Variants in LHFPL1 observed in about 807,000 individuals in gnomAD.
LHFPL1 encodes the protein LHFPL tetraspan subfamily member 1 protein.
A neutral mutation model predicts 12.1 loss-of-function variants in LHFPL1; 4 were observed. That is an observed-to-expected ratio of 0.33 (90% CI 0.16 to 0.76). The LOEUF (loss-of-function observed/expected upper bound fraction) is 0.76, where lower values mean the gene tolerates loss of function less well. Among genes scored for constraint, LHFPL1 ranks in the 30% least tolerant of loss-of-function variants. The probability of loss-of-function intolerance (pLI) is 0.61; values close to 1 mark genes in which losing one functional copy is unlikely to be tolerated. For missense variants in LHFPL1, 141 were observed against 174.1 expected, an observed-to-expected ratio of 0.81 and a Z score of 1.07; for synonymous variants, 52 against 61.9, an observed-to-expected ratio of 0.84 and a Z score of 0.75.
At chrX:112,651,846 T>C (rs140278113) in intron 3 of LHFPL1, among the ~76,000 whole-genome samples, 11 of 111,905 alleles carry the variant, frequency 9.8e-5, no homozygotes, top group African/African-American at 3.6e-4. Context: ...ATCTTATCTC[T>C]TTTCTTCCTC....
intron 3 of LHFPL1, among the ~76,000 whole-genome samples, chrX:112,657,909 CAAAAA>C (rs57793060): frequency 1.6e-5 from 1 of 61,341 alleles, no homozygotes; most frequent in African/African-American, 4.6e-5. Context: ...AAAACAGAAG[CAAAAA>C]AAAAAAAAAG....
At chrX:112,660,751 A>G (rs373636860) in intron 2 of LHFPL1, 26 bp from the exon 3 acceptor site, 895 of 1,043,799 alleles carry the variant, frequency 8.6e-4, no homozygotes, top group Non-Finnish European at 1.1e-3. Context: ...ACACACAGAC[A>G]GAAAAAATAT....
chrX:112,658,978 T>G (rs771674465), intron 3 of LHFPL1, among the ~76,000 whole-genome samples: 36 of 112,075 alleles, frequency 3.2e-4, no homozygotes, highest in Non-Finnish European at 5.4e-4. Flanking sequence ...TGCTACTACA[T>G]GTATACATCT....
At chrX:112,640,556 T>C (rs1930472806) in intron 3 of LHFPL1, among the ~76,000 whole-genome samples, 1 of 111,519 alleles carries the variant, frequency 9.0e-6, no homozygotes, top group South Asian at 3.8e-4. Context: ...GACATCAGAT[T>C]TGCATTTTAG....
chrX:112,636,982 G>A (rs1930359348), intron 3 of LHFPL1, among the ~76,000 whole-genome samples: 1 of 111,474 alleles, frequency 9.0e-6, no homozygotes, highest in Non-Finnish European at 1.9e-5. Context: ...GAGAAGGATC[G>A]GTGGCAGGAT....
At chrX:112,637,356 C>T (rs886440466) in intron 3 of LHFPL1, among the ~76,000 whole-genome samples, 3 of 112,047 alleles carry the variant, frequency 2.7e-5, no homozygotes, top group African/African-American at 9.7e-5. Flanking sequence ...TCCCTAGAGC[C>T]GCAGTCCTAT....
chrX:112,641,182 C>T (rs1359260435), intron 3 of LHFPL1, among the ~76,000 whole-genome samples: 2 of 111,753 alleles, frequency 1.8e-5, no homozygotes, highest in Non-Finnish European at 3.8e-5. Flanking sequence ...TTTCCAGGTC[C>T]AAGGTTCCTG....
chrX:112,645,827 T>C (rs1053941595), intron 3 of LHFPL1, among the ~76,000 whole-genome samples: 4 of 112,166 alleles, frequency 3.6e-5, no homozygotes, highest in African/African-American at 1.3e-4. Context: ...AATTAAGGTA[T>C]ATGAAAAGCA....
At chrX:112,635,598 T>C (rs1196259625) in intron 3 of LHFPL1, among the ~76,000 whole-genome samples, 2 of 112,567 alleles carry the variant, frequency 1.8e-5, no homozygotes, top group Non-Finnish European at 3.8e-5. Context: ...GATCATATTT[T>C]CTATTGTAGT....
intron 3 of LHFPL1, among the ~76,000 whole-genome samples, chrX:112,656,341 T>C (rs1041670090): frequency 1.8e-5 from 2 of 110,222 alleles, no homozygotes; most frequent in Non-Finnish European, 3.8e-5. Context: ...ATCAGCAAAC[T>C]AAGAATAGAA....
chrX:112,635,866 G>T (rs1433538009), intron 3 of LHFPL1, among the ~76,000 whole-genome samples: 1 of 107,400 alleles, frequency 9.3e-6, no homozygotes, highest in Non-Finnish European at 1.9e-5. Context: ...CCAAAAAGGA[G>T]CTATAGTTGA....
chrX:112,672,386 G>A (rs919995048), intron 1 of LHFPL1, among the ~76,000 whole-genome samples: 1 of 110,802 alleles, frequency 9.0e-6, no homozygotes, highest in African/African-American at 3.3e-5. Flanking sequence ...CTCACAAATG[G>A]TTTTCACAGA....
chrX:112,647,479 G>GA (rs1243587676), intron 3 of LHFPL1, among the ~76,000 whole-genome samples: 1 of 108,408 alleles, frequency 9.2e-6, no homozygotes, highest in African/African-American at 3.3e-5. Flanking sequence ...AAATTTACAA[G>GA]AAAAAAAACA....
intron 2 of LHFPL1, among the ~76,000 whole-genome samples, chrX:112,667,619 C>T (rs948226143): frequency 7.1e-5 from 8 of 112,550 alleles, no homozygotes; most frequent in Non-Finnish European, 1.5e-4. Flanking sequence ...AAGCATCTTG[C>T]ATATGTATAA....
rs1164744066 is a variant in LHFPL1, at chrX:112,643,378, C to CAAAA, written c.482-11781_482-11778dup. Among the ~76,000 whole-genome samples the CAAAA allele has an allele frequency of 6.4e-4, 25 of 38,891 alleles. 2 individuals carry two copies. Among genetic ancestry groups the CAAAA allele is most frequent in the Middle Eastern group, 0.023 (1 of 44 alleles). 33.8% of individuals were successfully genotyped at this position (38,891 alleles called of 115,157 possible). ...TGGGCTACAGAGCCAGACTCCGTCT[C>CAAAA]AAAAAAAAAAAAAAAAAAAAAGAAA... On this transcript the variant is annotated intron_variant, in intron 3 of 3. Transcript: ENST00000371968.
chrX:112,652,451 G>A (rs902950802), intron 3 of LHFPL1, among the ~76,000 whole-genome samples: 10 of 111,473 alleles, frequency 9.0e-5, no homozygotes, highest in African/African-American at 3.3e-4. Context: ...ACAAGGTCTG[G>A]GCCAACATGA....
chrX:112,637,292 C>T (rs186921253), intron 3 of LHFPL1, among the ~76,000 whole-genome samples: 2 of 112,294 alleles, frequency 1.8e-5, no homozygotes, highest in African/African-American at 3.2e-5. Flanking sequence ...TTATGTTTTA[C>T]AGCTCACTGT....
At position 112,645,527 on chromosome X, in the gene LHFPL1, C is replaced by A. The variant is rs1385426282; in HGVS notation, c.482-13926G>T. 1.1e-4 allele frequency among the ~76,000 whole-genome samples: 12 copies of A among 111,895 alleles called. No homozygotes were observed. In the East Asian group the frequency reaches 3.1e-3, roughly 29 times the overall value. ...TGCATGCATTATCTCATCTAATTCT[C>A]ACAACAATCCATGAGGTAGTAACAA... On this transcript the variant is annotated intron_variant, in intron 3 of 3. Transcript: ENST00000371968.
At position 112,663,197 on chromosome X, in the gene LHFPL1, C is replaced by T. The variant is rs761897381; in HGVS notation, c.383-2472G>A. The stretch of plus-strand genomic sequence containing the variant: ...AACCCCCAGGCTAAATTACACGCTC[C>T]TTCTTTCTGTTCCCATAGCACCCAG... On this transcript the variant is annotated intron_variant, in intron 2 of 3. Coordinates refer to ENST00000371968, the MANE Select transcript of LHFPL1 (RefSeq NM_178175.4). Among the ~76,000 whole-genome samples, 3 of 111,928 alleles carry T rather than the reference C, an allele frequency of 2.7e-5. No individual in the cohort carries two copies. In the East Asian group the frequency reaches 8.4e-4, roughly 32 times the overall value.
Sources: gnomAD v4.1 joint callset for allele counts (sites outside exome capture counted in the v4.1 genomes callset) on GRCh38, gnomAD v4.1.1 for gene constraint, MANE v1.5 for transcripts, NCBI Gene and HGNC (gene_info 2026-07-23, HGNC 2026-07-21) for gene names.